Variants in ADD1 observed in about 807,000 individuals in gnomAD.
ADD1 encodes the protein adducin 1, also known as alpha-adducin.
In ADD1, 24 loss-of-function variants were observed where a neutral mutation model predicts 80.5. The ratio of observed to expected loss-of-function variants is 0.30; its 90% CI spans 0.22 to 0.42. The LOEUF is 0.42. Among genes scored for constraint, ADD1 ranks in the 10% least tolerant of loss-of-function variants. ADD1 has a pLI of 1.00. For synonymous variants in ADD1, 373 were observed against 393.8 expected, an observed-to-expected ratio of 0.95 and a Z score of 0.63; for missense variants, 948 against 1,019.0, an observed-to-expected ratio of 0.93 and a Z score of 0.95.
intron 1 of ADD1, among the ~76,000 whole-genome samples, chr4:2,846,947 C>T (rs541600320): frequency 1.2e-4 from 18 of 151,910 alleles, no homozygotes; most frequent in Non-Finnish European, 1.6e-4. Flanking sequence ...GAAATCCCGT[C>T]TCTACTAAAA....
chr4:2,854,569 G>A (rs1014134613), intron 1 of ADD1, among the ~76,000 whole-genome samples: 3 of 152,090 alleles, frequency 2.0e-5, no homozygotes, highest in African/African-American at 7.3e-5. Context: ...TATTTTATTA[G>A]GTGTGAATAA....
chr4:2,883,755 T>G (rs917918089), intron 3 of ADD1, among the ~76,000 whole-genome samples: 3 of 152,058 alleles, frequency 2.0e-5, no homozygotes, highest in African/African-American at 7.2e-5. Flanking sequence ...CACTGTAAGC[T>G]CCGCCTCCTG....
At chr4:2,852,206 TC>T (rs745754235) in intron 1 of ADD1, among the ~76,000 whole-genome samples, 5 of 92,192 alleles carry the variant, frequency 5.4e-5, no homozygotes, top group African/African-American at 8.3e-5. Flanking sequence ...TTCCTTTCTT[TC>T]CTTTCCTTTC....
chr4:2,864,660 C>A (rs1056339326), intron 1 of ADD1, among the ~76,000 whole-genome samples: 3 of 152,020 alleles, frequency 2.0e-5, no homozygotes, highest in Non-Finnish European at 2.9e-5. Flanking sequence ...CTTATAATCA[C>A]TCTTAGGTGT....
At chr4:2,874,437 T>G in intron 1 of ADD1, among the ~76,000 whole-genome samples, 1 of 151,112 alleles carries the variant, frequency 6.6e-6, no homozygotes, top group Non-Finnish European at 1.5e-5. Flanking sequence ...TGAAACGCCG[T>G]CTCTACTAAA....
chr4:2,909,569 T>C (rs1043951613), intron 13 of ADD1, 138 bp downstream of exon 13: 1 of 649,272 alleles, frequency 1.5e-6, no homozygotes, highest in African/African-American at 1.8e-5. Flanking sequence ...TGTGAGATTG[T>C]ACAGAAGGTT....
chr4:2,872,673 C>T (rs954456790), intron 1 of ADD1, among the ~76,000 whole-genome samples: 4 of 152,198 alleles, frequency 2.6e-5, no homozygotes, highest in African/African-American at 7.2e-5. Context: ...CCTCTCTCCT[C>T]GGACTCCTGA....
At chr4:2,899,728 A>G in intron 9 of ADD1, 5 of 431,604 alleles carry the variant, frequency 1.2e-5, no homozygotes, top group Non-Finnish European at 8.6e-6. Flanking sequence ...GTGTCAGCTC[A>G]GTCCCCACCA....
chr4:2,864,319 A>G (rs1433634811), intron 1 of ADD1, among the ~76,000 whole-genome samples: 1 of 152,178 alleles, frequency 6.6e-6, no homozygotes, highest in East Asian at 1.9e-4. Context: ...AGGCTGAGGC[A>G]GGAGAATTGC....
rs966101739 is a variant in ADD1, at chr4:2,851,801, G to C, written c.-21+7777G>C. Among the ~76,000 whole-genome samples, 4 of 152,044 alleles carry C rather than the reference G, an allele frequency of 2.6e-5. No individual in the cohort carries two copies. The East Asian group carries it at 5.8e-4, about 22-fold the overall frequency. On this transcript the variant is annotated intron_variant, in intron 1 of 15. Transcript: ENST00000683351. ...GTGATGTTAATTGACCAGTCTTTAG[G>C]GGGGAAATAGATGACCCCCACCATC...
At chr4:2,925,220 C>T (rs1354221379) in intron 14 of ADD1, among the ~76,000 whole-genome samples, 1 of 152,186 alleles carries the variant, frequency 6.6e-6, no homozygotes. Flanking sequence ...TTTTTATGGA[C>T]ACCTGGCTTC....
At chr4:2,911,448 A>ATATATATTT (rs553567632) in intron 13 of ADD1, among the ~76,000 whole-genome samples, 13 of 130,500 alleles carry the variant, frequency 1.0e-4, no homozygotes, top group African/African-American at 3.0e-4. Context: ...ATATATATAT[A>ATATATATTT]TTTTTTTTTT....
chr4:2,922,039 C>CT (rs1359185632), intron 14 of ADD1, among the ~76,000 whole-genome samples: 4 of 151,910 alleles, frequency 2.6e-5, no homozygotes, highest in Admixed American at 2.0e-4. Flanking sequence ...TTCCTCTAAT[C>CT]TTTTTTCAAG....
intron 4 of ADD1, among the ~76,000 whole-genome samples, chr4:2,892,347 A>AT (rs1734428508): frequency 6.6e-6 from 1 of 152,240 alleles, no homozygotes; most frequent in Non-Finnish European, 1.5e-5. Context: ...TAAAATCATT[A>AT]TAAAAACTAG....
chr4:2,886,574 A>G (rs752600438), intron 4 of ADD1, among the ~76,000 whole-genome samples: 7 of 152,216 alleles, frequency 4.6e-5, no homozygotes, highest in Non-Finnish European at 8.8e-5. Context: ...CTCTGCCCAC[A>G]GGAATATAAA....
chr4:2,924,857 C>T (rs1307106647), intron 14 of ADD1, among the ~76,000 whole-genome samples: 2 of 152,204 alleles, frequency 1.3e-5, no homozygotes, highest in Non-Finnish European at 2.9e-5. Flanking sequence ...TGGCCTCCTC[C>T]TAGTTTCTGT....
At chr4:2,906,313 C>G (rs565576692) in intron 10 of ADD1, among the ~76,000 whole-genome samples, 2 of 152,142 alleles carry the variant, frequency 1.3e-5, no homozygotes, top group South Asian at 2.1e-4. Flanking sequence ...TTCTTTCCCC[C>G]CTTCTTCCTG....
chr4:2,899,048 T>A, intron 8 of ADD1: 1 of 566,912 alleles, frequency 1.8e-6, no homozygotes, highest in Non-Finnish European at 3.1e-6. Flanking sequence ...TTCTCATTTC[T>A]CTGCCAACTT....
intron 1 of ADD1, chr4:2,853,635 C>T (rs1560141265): frequency 6.6e-6 from 1 of 150,498 alleles, no homozygotes; most frequent in Non-Finnish European, 1.5e-5. Flanking sequence ...CTGAGTTTTG[C>T]TCTCGTCACC....
Sources: allele counts gnomAD v4.1 joint callset (sites outside exome capture counted in the v4.1 genomes callset), GRCh38; gene constraint gnomAD v4.1.1; transcripts MANE v1.5; gene names NCBI Gene and HGNC (gene_info 2026-07-23, HGNC 2026-07-21).